The following DCC variants were observed in gnomAD, a reference collection of about 807,000 sequenced individuals.
DCC encodes netrin receptor DCC.
In DCC, 58 loss-of-function variants were observed where a neutral mutation model predicts 172.5. That is an observed-to-expected ratio of 0.34 (90% confidence interval 0.27 to 0.42). The LOEUF is 0.42. Ranked by LOEUF, DCC falls within the 10% of genes least tolerant of loss-of-function variation. The pLI is 1.00. For missense variants in DCC, 1,740 were observed against 1,791.0 expected (o/e 0.97, Z 0.51); for synonymous variants, 709 against 644.5 (o/e 1.10, Z -1.52).
At chr18:53,504,107 T>C (rs1414295476) in intron 27 of DCC, among the ~76,000 whole-genome samples, 1 of 152,194 alleles carries the variant, frequency 6.6e-6, no homozygotes, top group African/African-American at 2.4e-5. Flanking sequence ...ATTTTATGGA[T>C]GGTTGGGAAA....
chr18:53,347,324 G>C (rs2057737394), intron 15 of DCC, among the ~76,000 whole-genome samples: 1 of 152,138 alleles, frequency 6.6e-6, no homozygotes, highest in Non-Finnish European at 1.5e-5. Context: ...AAAATACTCA[G>C]ACCTCATATA....
At chr18:52,855,478 A>G (rs1458711159) in intron 2 of DCC, among the ~76,000 whole-genome samples, 4 of 152,228 alleles carry the variant, frequency 2.6e-5, no homozygotes, top group Non-Finnish European at 5.9e-5. Flanking sequence ...CGATAAGGAC[A>G]TGACCGTGAT....
Position 52,789,083 on chromosome 18 carries a change from A to C in DCC, c.412+36709A>C, listed in dbSNP as rs191936404. 3.4e-4 allele frequency among the ~76,000 whole-genome samples: 52 copies of C among 152,236 alleles called. 1 individual carries two copies. In the Middle Eastern group the frequency reaches 0.01, roughly 30 times the overall value. ...CCGTAACTACGATTAGACATCCCTTAAAGTATGTTTTCTCTCTAGTTATTC... is the reference window on the plus strand; with the variant it reads ...CCGTAACTACGATTAGACATCCCTTCAAGTATGTTTTCTCTCTAGTTATTC... On this transcript the variant is annotated intron_variant, in intron 2 of 28. Coordinates refer to ENST00000442544, the MANE Select transcript of DCC (RefSeq NM_005215.4).
rs1909934048 is a variant in DCC, at chr18:53,410,765, A to T, written c.3130+119A>T. 4.2e-6 allele frequency: 3 copies of T among 712,332 alleles called. No individual in the cohort carries two copies. In the Admixed American group the frequency reaches 6.1e-5, roughly 14 times the overall value. 44.1% of individuals were successfully genotyped at this position (712,332 alleles called of 1,614,324 possible). ...TATTAGCAACATGGCTGCAGTGGAC[A>T]TTCAAAATAAATTAAAATGTAGCTT... is the stretch of plus-strand genomic sequence containing the variant. On this transcript the variant is annotated intron_variant, in intron 20 of 28. Coordinates refer to ENST00000442544, the MANE Select transcript of DCC (RefSeq NM_005215.4).
chr18:53,215,358 G>GA (rs142466329), intron 11 of DCC, among the ~76,000 whole-genome samples, 190 bp from the exon 12 acceptor site: 51,389 of 148,528 alleles, frequency 0.35, 9,636 homozygotes, highest in Non-Finnish European at 0.44. Flanking sequence ...AGCGAAATGA[G>GA]AAAAAAAAAA....
intron 12 of DCC, among the ~76,000 whole-genome samples, chr18:53,240,927 A>G (rs2056283403): frequency 6.6e-6 from 1 of 152,200 alleles, no homozygotes. Flanking sequence ...CATATTGTTT[A>G]AATGCATAGA....
chr18:52,851,388 A>G lies in DCC; in HGVS notation c.413-54656A>G, dbSNP rs190087033. Among the ~76,000 whole-genome samples the G allele has an allele frequency of 1.9e-3, 286 of 152,178 alleles. 1 individual carries two copies. Among genetic ancestry groups the G allele is most frequent in the African/African-American group, 6.1e-3 (255 of 41,558 alleles). On this transcript the variant is annotated intron_variant, in intron 2 of 28. Coordinates refer to ENST00000442544, the MANE Select transcript of DCC (RefSeq NM_005215.4). ...AGTTTTTCAGACAATAGAATTCCCA[A>G]ACAGCCTACTTAATTCTGTTTGTGA...
At chr18:53,276,852 A>T (rs1424474561) in intron 12 of DCC, among the ~76,000 whole-genome samples, 2 of 152,150 alleles carry the variant, frequency 1.3e-5, no homozygotes, top group East Asian at 3.9e-4. Context: ...GAGAAATTTT[A>T]CTATGGAACT....
intron 2 of DCC, among the ~76,000 whole-genome samples, chr18:52,760,663 G>A (rs1409968735): frequency 2.6e-5 from 4 of 152,018 alleles, no homozygotes; most frequent in Non-Finnish European, 5.9e-5. Context: ...CCTATTTCTG[G>A]TACTGATTTT....
At chr18:52,432,810 G>T (rs746841925) in intron 1 of DCC, among the ~76,000 whole-genome samples, 20 of 152,122 alleles carry the variant, frequency 1.3e-4, no homozygotes, top group Non-Finnish European at 7.3e-5. Flanking sequence ...GAAGCCTGCA[G>T]TGTGCAGGAG....
intron 5 of DCC, among the ~76,000 whole-genome samples, chr18:53,031,468 G>A (rs2042024322): frequency 6.6e-6 from 1 of 152,090 alleles, no homozygotes; most frequent in Admixed American, 6.6e-5. Context: ...TACTGGAGAT[G>A]AGGGTCCAAT....
At chr18:52,698,930 A>G (rs566335963) in intron 1 of DCC, among the ~76,000 whole-genome samples, 1 of 152,154 alleles carries the variant, frequency 6.6e-6, no homozygotes, top group Admixed American at 6.5e-5. Context: ...CTTAAAAAGG[A>G]ACCTTTTCAT....
intron 1 of DCC, among the ~76,000 whole-genome samples, chr18:52,747,195 G>A (rs2036919368): frequency 6.6e-6 from 1 of 152,130 alleles, no homozygotes; most frequent in Non-Finnish European, 1.5e-5. Flanking sequence ...CGTTGTGTAA[G>A]TTTCTTAATG....
intron 5 of DCC, among the ~76,000 whole-genome samples, chr18:53,006,934 T>C (rs899174058): frequency 7.2e-5 from 11 of 152,198 alleles, no homozygotes; most frequent in Admixed American, 2.6e-4. Flanking sequence ...CCAAAGAGAT[T>C]GCTTTATAGC....
intron 1 of DCC, among the ~76,000 whole-genome samples, chr18:52,370,509 A>G (rs941204703): frequency 6.6e-6 from 1 of 152,208 alleles, no homozygotes; most frequent in Admixed American, 6.5e-5. Flanking sequence ...TGGGAACTGA[A>G]TGATGAGAAC....
intron 5 of DCC, among the ~76,000 whole-genome samples, chr18:52,969,543 G>C (rs1204469585): frequency 2.0e-5 from 3 of 147,122 alleles, no homozygotes; most frequent in African/African-American, 7.6e-5. Flanking sequence ...ATCTCAACCA[G>C]ATTAGCCTCT....
chr18:52,855,739 A>G (rs1337216503), intron 2 of DCC, among the ~76,000 whole-genome samples: 1 of 151,054 alleles, frequency 6.6e-6, no homozygotes, highest in African/African-American at 2.4e-5. Context: ...GTGACAGGTG[A>G]CTTAAAACAT....
At chr18:52,816,032 C>T (rs549245778) in intron 2 of DCC, among the ~76,000 whole-genome samples, 4 of 152,192 alleles carry the variant, frequency 2.6e-5, no homozygotes, top group African/African-American at 7.2e-5. Context: ...TTATTGTGCC[C>T]TTGCATTGTG....
chr18:53,485,977 T>C (rs956230361), intron 25 of DCC, among the ~76,000 whole-genome samples: 1 of 151,940 alleles, frequency 6.6e-6, no homozygotes, highest in Non-Finnish European at 1.5e-5. Context: ...AAACTGATCA[T>C]TCAGGTAGCT....
Sources: gnomAD v4.1 joint callset for allele counts (sites outside exome capture counted in the v4.1 genomes callset) on GRCh38, gnomAD v4.1.1 for gene constraint, MANE v1.5 for transcripts, NCBI Gene and HGNC (gene_info 2026-07-23, HGNC 2026-07-21) for gene names.